The following TSPAN18 variants were observed in gnomAD, a reference collection of about 807,000 sequenced individuals.
The protein encoded by TSPAN18 is tetraspanin 18.
In TSPAN18, 14 loss-of-function variants were observed where a neutral mutation model predicts 27.3. That is an observed-to-expected ratio of 0.51 (90% confidence interval 0.34 to 0.80). The LOEUF is 0.80. TSPAN18 is among the 30% of genes least tolerant of loss of function. TSPAN18 has a pLI of 0.01. For missense variants in TSPAN18, 268 were observed against 323.9 expected (o/e 0.83, Z 1.32); for synonymous variants, 143 against 136.5 (o/e 1.05, Z -0.33).
intron 2 of TSPAN18, among the ~76,000 whole-genome samples, chr11:44,813,958 C>A (rs1856771508): frequency 6.6e-6 from 1 of 152,162 alleles, no homozygotes. Flanking sequence ...GGAATGGGGC[C>A]TTGGAGATAG....
intron 1 of TSPAN18, among the ~76,000 whole-genome samples, chr11:44,740,723 C>T (rs1590406827): frequency 6.6e-6 from 1 of 152,138 alleles, no homozygotes; most frequent in Non-Finnish European, 1.5e-5. Flanking sequence ...CACTGGACTG[C>T]GAGTCCGGAA....
chr11:44,850,190 G>C (rs1857568109), intron 2 of TSPAN18, among the ~76,000 whole-genome samples: 1 of 152,204 alleles, frequency 6.6e-6, no homozygotes, highest in South Asian at 2.1e-4. Context: ...AGGGGTGCTT[G>C]TCCCCGACAT....
chr11:44,881,333 C>A (rs1273802680), intron 3 of TSPAN18, among the ~76,000 whole-genome samples: 1 of 152,126 alleles, frequency 6.6e-6, no homozygotes, highest in South Asian at 2.1e-4. Context: ...CTTCCCAGAC[C>A]CCAGACCCCT....
At chr11:44,878,141 C>A (rs1395429353) in intron 3 of TSPAN18, among the ~76,000 whole-genome samples, 1 of 151,914 alleles carries the variant, frequency 6.6e-6, no homozygotes, top group African/African-American at 2.4e-5. Context: ...AATGCCCCTT[C>A]CCCCAGCTCC....
chr11:44,789,695 T>C (rs1211081196), intron 2 of TSPAN18, among the ~76,000 whole-genome samples: 1 of 152,116 alleles, frequency 6.6e-6, no homozygotes, highest in Non-Finnish European at 1.5e-5. Flanking sequence ...AGAATGATGG[T>C]ATTCGTGGAA....
chr11:44,801,580 A>C (rs964712603), intron 2 of TSPAN18, among the ~76,000 whole-genome samples: 6 of 152,246 alleles, frequency 3.9e-5, no homozygotes, highest in Non-Finnish European at 8.8e-5. Context: ...TGAAAAAAAT[A>C]TCTTCATAAG....
At chr11:44,915,377 C>G (rs1360660861) in intron 5 of TSPAN18, among the ~76,000 whole-genome samples, 1 of 152,222 alleles carries the variant, frequency 6.6e-6, no homozygotes, top group African/African-American at 2.4e-5. Context: ...CAGAGCCCCC[C>G]ACCCTCCTGG....
At chr11:44,791,530 G>A (rs542676672) in intron 2 of TSPAN18, among the ~76,000 whole-genome samples, 27 of 152,242 alleles carry the variant, frequency 1.8e-4, no homozygotes, top group African/African-American at 5.5e-4. Flanking sequence ...AATAATGACC[G>A]CCCTGATGCC....
chr11:44,853,777 G>C (rs1002006969), intron 2 of TSPAN18, among the ~76,000 whole-genome samples: 3 of 152,284 alleles, frequency 2.0e-5, no homozygotes, highest in East Asian at 3.9e-4. Flanking sequence ...TGAGAGGAGA[G>C]GACCAGGGCT....
At chr11:44,852,959 G>A (rs17784515) in intron 2 of TSPAN18, among the ~76,000 whole-genome samples, 33,334 of 152,094 alleles carry the variant, frequency 0.22, 4,882 homozygotes, top group Non-Finnish European at 0.33. Context: ...CTACCAAAAC[G>A]TCCATTCATG....
intron 2 of TSPAN18, among the ~76,000 whole-genome samples, chr11:44,823,445 A>G (rs1292593327): frequency 1.3e-5 from 2 of 152,124 alleles, no homozygotes; most frequent in African/African-American, 4.8e-5. Flanking sequence ...AGGGCTTTTT[A>G]TGGACTCACA....
intron 2 of TSPAN18, among the ~76,000 whole-genome samples, chr11:44,854,108 C>T (rs775808665): frequency 1.4e-5 from 2 of 146,272 alleles, no homozygotes; most frequent in Admixed American, 7.2e-5. Flanking sequence ...GCTTGATAAT[C>T]GTGTGCAGCC....
chr11:44,856,040 C>T (rs569829302), intron 2 of TSPAN18, among the ~76,000 whole-genome samples: 2 of 151,878 alleles, frequency 1.3e-5, no homozygotes, highest in East Asian at 1.9e-4. Context: ...TGTACCACCA[C>T]GCCTGGCTAA....
intron 1 of TSPAN18, among the ~76,000 whole-genome samples, chr11:44,731,261 C>G (rs772125413): frequency 6.6e-5 from 10 of 152,180 alleles, no homozygotes; most frequent in Admixed American, 1.3e-4. Flanking sequence ...GCCTCGGTTT[C>G]TCTATTTCTT....
intron 2 of TSPAN18, among the ~76,000 whole-genome samples, chr11:44,850,623 G>C (rs900026874): frequency 6.6e-6 from 1 of 152,070 alleles, no homozygotes; most frequent in Admixed American, 6.5e-5. Flanking sequence ...CCTTCTCCTT[G>C]CATCTTCTCA....
intron 2 of TSPAN18, among the ~76,000 whole-genome samples, chr11:44,795,868 G>A (rs1236193272): frequency 6.6e-6 from 1 of 152,088 alleles, no homozygotes; most frequent in African/African-American, 2.4e-5. Context: ...GCTTTGGGGT[G>A]ATCTGGGACT....
intron 3 of TSPAN18, among the ~76,000 whole-genome samples, chr11:44,896,069 G>A (rs1859035639): frequency 6.6e-6 from 1 of 152,130 alleles, no homozygotes; most frequent in Non-Finnish European, 1.5e-5. Context: ...CCGGCACATA[G>A]TAGCAACTCA....
chr11:44,839,437 C>T (rs1857325304), intron 2 of TSPAN18, among the ~76,000 whole-genome samples: 1 of 152,172 alleles, frequency 6.6e-6, no homozygotes, highest in Non-Finnish European at 1.5e-5. Flanking sequence ...TTTCCCTTTT[C>T]CTTGGATCTC....
At chr11:44,764,085 G>C (rs1855512215) in intron 1 of TSPAN18, among the ~76,000 whole-genome samples, 1 of 152,084 alleles carries the variant, frequency 6.6e-6, no homozygotes. Flanking sequence ...TTTTAAACAA[G>C]CAGATCTCAC....
Sources: gnomAD v4.1 joint callset for allele counts (sites outside exome capture counted in the v4.1 genomes callset) on GRCh38, gnomAD v4.1.1 for gene constraint, MANE v1.5 for transcripts, NCBI Gene and HGNC (gene_info 2026-07-23, HGNC 2026-07-21) for gene names.